The following LGSN variants were observed in gnomAD, a reference collection of about 807,000 sequenced individuals.
The protein encoded by LGSN is lengsin, lens protein with glutamine synthetase domain, also known as lengsin.
A neutral mutation model predicts 19.5 loss-of-function variants in LGSN; 21 were observed. The observed-to-expected ratio is 1.07, with a 90% confidence interval of 0.76 to 1.55. The LOEUF is 1.55. Ranked by LOEUF, LGSN falls within the 40% of genes most tolerant of loss-of-function variation. LGSN has a pLI of 0.00. For missense variants in LGSN, 673 were observed against 608.5 expected (o/e 1.11, Z -1.12); for synonymous variants, 257 against 215.6 (o/e 1.19, Z -1.68).
chr6:63,472,573 A>T, the LGSN span, among the ~76,000 whole-genome samples: 1 of 152,160 alleles, frequency 6.6e-6, no homozygotes, highest in Admixed American at 6.5e-5. Context: ...AGATATCTAC[A>T]ACCACTGTTT....
the LGSN span, among the ~76,000 whole-genome samples, chr6:63,458,773 A>T: frequency 6.6e-6 from 1 of 152,216 alleles, no homozygotes; most frequent in African/African-American, 2.4e-5. Context: ...AGTGTTAATG[A>T]TTGCTAGGTT....
At chr6:63,449,225 G>C in the LGSN span, among the ~76,000 whole-genome samples, 1 of 152,056 alleles carries the variant, frequency 6.6e-6, no homozygotes, top group Non-Finnish European at 1.5e-5. Context: ...CAGAGAAAGA[G>C]AGAGCCAACA....
At chr6:63,405,270 G>C in the LGSN span, among the ~76,000 whole-genome samples, 1 of 151,924 alleles carries the variant, frequency 6.6e-6, no homozygotes, top group Admixed American at 6.6e-5. Flanking sequence ...AAACATACGT[G>C]TGCATGTGTC....
At chr6:63,365,617 T>TG in the LGSN span, among the ~76,000 whole-genome samples, 4 of 149,912 alleles carry the variant, frequency 2.7e-5, no homozygotes, top group Non-Finnish European at 5.9e-5. Context: ...TACCAAAGTC[T>TG]GGCAGAGACA....
the LGSN span, among the ~76,000 whole-genome samples, chr6:63,364,485 T>A: frequency 6.6e-6 from 1 of 152,104 alleles, no homozygotes; most frequent in African/African-American, 2.4e-5. Flanking sequence ...ACAATAATAA[T>A]GGGAGACTTT....
chr6:63,570,035 CA>C, the LGSN span, among the ~76,000 whole-genome samples: 2 of 152,214 alleles, frequency 1.3e-5, no homozygotes, highest in South Asian at 4.1e-4. Flanking sequence ...CAAGCAGGAA[CA>C]TTTAATGGAT....
the LGSN span, among the ~76,000 whole-genome samples, chr6:63,445,060 C>T: frequency 6.6e-6 from 1 of 152,196 alleles, no homozygotes; most frequent in Non-Finnish European, 1.5e-5. Context: ...GCCTGAATCC[C>T]AGCACTTTGG....
chr6:63,461,287 A>T, the LGSN span, among the ~76,000 whole-genome samples: 2 of 152,152 alleles, frequency 1.3e-5, no homozygotes, highest in South Asian at 4.1e-4. Context: ...CCTGATCTCA[A>T]GTGATCCACC....
chr6:63,313,110 C>T (rs964108060), intron 1 of LGSN, among the ~76,000 whole-genome samples: 3 of 151,944 alleles, frequency 2.0e-5, no homozygotes, highest in Non-Finnish European at 4.4e-5. Flanking sequence ...TAAAAGAGAA[C>T]TGAGATGTTC....
intron 1 of LGSN, among the ~76,000 whole-genome samples, chr6:63,305,470 C>T (rs1768346920): frequency 6.6e-6 from 1 of 152,166 alleles, no homozygotes; most frequent in Non-Finnish European, 1.5e-5. Flanking sequence ...ACTTTATAAA[C>T]AGACTATAAC....
the LGSN span, among the ~76,000 whole-genome samples, chr6:63,554,817 T>C: frequency 6.6e-6 from 1 of 152,180 alleles, no homozygotes; most frequent in Admixed American, 6.5e-5. Context: ...CAAGCTGTAT[T>C]GTCACTGTTT....
At chr6:63,391,006 G>A in the LGSN span, among the ~76,000 whole-genome samples, 1 of 151,890 alleles carries the variant, frequency 6.6e-6, no homozygotes, top group Non-Finnish European at 1.5e-5. Flanking sequence ...CCTTCTCTTT[G>A]GATAAAAGGT....
At chr6:63,284,741 C>G (rs1207941799) in intron 3 of LGSN, among the ~76,000 whole-genome samples, 1 of 152,132 alleles carries the variant, frequency 6.6e-6, no homozygotes, top group African/African-American at 2.4e-5. Context: ...GAAACAATAT[C>G]TGCAAGCAGG....
In LGSN at chr6:63,277,672, A is replaced by G. The variant is rs1251710796; in HGVS notation, c.*2349T>C. 1 of 152,234 alleles carries G rather than the reference A, an allele frequency of 6.6e-6. No individual in the cohort carries two copies. Among genetic ancestry groups the G allele is most frequent in the East Asian group, 1.9e-4 (1 of 5,200 alleles). 9.4% of individuals were successfully genotyped at this position (152,234 alleles called of 1,614,324 possible). A position where few individuals can be genotyped will look rare whatever the true frequency, so the allele number is the denominator to read the frequency against. On this transcript the variant is annotated 3_prime_UTR_variant, in exon 4 of 4. Transcript: ENST00000370657. ...CCTTATTACTGTACCCTGTGGAGCA[A>G]ACCTCCCTTCCCAAGGACATAATCC... is the stretch of plus-strand genomic sequence containing the variant.
At chr6:63,481,488 G>T in the LGSN span, among the ~76,000 whole-genome samples, 1 of 151,050 alleles carries the variant, frequency 6.6e-6, no homozygotes, top group Non-Finnish European at 1.5e-5. Context: ...GGCTACAGGC[G>T]CATGCCACCA....
chr6:63,414,783 T>C, the LGSN span, among the ~76,000 whole-genome samples: 3 of 152,096 alleles, frequency 2.0e-5, no homozygotes, highest in Non-Finnish European at 4.4e-5. Context: ...TGTGTGGTGG[T>C]GTGGGCCTGT....
chr6:63,538,415 A>G, the LGSN span, among the ~76,000 whole-genome samples: 1 of 152,260 alleles, frequency 6.6e-6, no homozygotes, highest in Non-Finnish European at 1.5e-5. Flanking sequence ...GAATTATAAA[A>G]GATCAATGTT....
At chr6:63,531,354 T>G in the LGSN span, among the ~76,000 whole-genome samples, 6 of 151,452 alleles carry the variant, frequency 4.0e-5, no homozygotes, top group Non-Finnish European at 8.8e-5. Context: ...TCTCTTTAAC[T>G]AAAACAATAA....
chr6:63,571,324 G>A, the LGSN span: 1 of 152,070 alleles, frequency 6.6e-6, no homozygotes, highest in Non-Finnish European at 1.5e-5. Context: ...TCTCATACTC[G>A]GTGAAAATAA....
Sources: gnomAD v4.1 joint callset for allele counts (sites outside exome capture counted in the v4.1 genomes callset) on GRCh38, gnomAD v4.1.1 for gene constraint, MANE v1.5 for transcripts, NCBI Gene and HGNC (gene_info 2026-07-23, HGNC 2026-07-21) for gene names.